PKP4: variants seen among roughly 807,000 people sequenced by gnomAD.
PKP4 encodes plakophilin 4, also known as plakophilin-4.
A neutral mutation model predicts 145.1 loss-of-function variants in PKP4; 90 were observed. The observed-to-expected ratio is 0.62, with a 90% CI of 0.52 to 0.74. The LOEUF (loss-of-function observed/expected upper bound fraction) is 0.74. PKP4 is among the 30% of genes least tolerant of loss of function. The probability of loss-of-function intolerance (pLI) is 0.00; values close to 1 mark genes in which losing one functional copy is unlikely to be tolerated. For synonymous variants in PKP4, 563 were observed against 577.2 expected, an observed-to-expected ratio of 0.98 and a Z score of 0.35; for missense variants, 1,340 against 1,482.7, an observed-to-expected ratio of 0.90 and a Z score of 1.58.
At chr2:158,564,613 C>T (rs1053455207) in intron 2 of PKP4, among the ~76,000 whole-genome samples, 7 of 152,138 alleles carry the variant, frequency 4.6e-5, no homozygotes, top group African/African-American at 1.2e-4. Context: ...ATGAACAGTA[C>T]GTGTAAGTGC....
intron 1 of PKP4, among the ~76,000 whole-genome samples, chr2:158,516,024 G>A (rs925106274): frequency 6.8e-6 from 1 of 146,480 alleles, no homozygotes; most frequent in African/African-American, 2.5e-5. Context: ...CAGCCTGGGT[G>A]ACAGAGTGAG....
intron 1 of PKP4, among the ~76,000 whole-genome samples, chr2:158,463,412 GA>G (rs137946075): frequency 0.25 from 28,492 of 113,212 alleles, 3,353 homozygotes; most frequent in Middle Eastern, 0.42. Context: ...GATCACAGTT[GA>G]AAAAAAAAAA....
At chr2:158,627,315 G>A (rs1183507735) in intron 7 of PKP4, among the ~76,000 whole-genome samples, 2 of 152,114 alleles carry the variant, frequency 1.3e-5, no homozygotes, top group African/African-American at 4.8e-5. Flanking sequence ...TTGTAAGAGA[G>A]TAGAGAGGAG....
intron 2 of PKP4, among the ~76,000 whole-genome samples, chr2:158,534,017 T>TC (rs1457955255): frequency 6.6e-6 from 1 of 152,194 alleles, no homozygotes; most frequent in Non-Finnish European, 1.5e-5. Context: ...TTTTTTTGTT[T>TC]TTTTTTCCCT....
At chr2:158,627,341 C>G (rs184577777) in intron 7 of PKP4, among the ~76,000 whole-genome samples, 1 of 152,182 alleles carries the variant, frequency 6.6e-6, no homozygotes, top group East Asian at 1.9e-4. Flanking sequence ...AGGAAGGAAG[C>G]CAGCATATAA....
At chr2:158,677,069 A>T in intron 20 of PKP4, 1 of 598,026 alleles carries the variant, frequency 1.7e-6, no homozygotes. Context: ...ACTTGTTTGT[A>T]TGTATGTATG....
chr2:158,473,528 G>A (rs1691942714), intron 1 of PKP4, among the ~76,000 whole-genome samples: 1 of 152,250 alleles, frequency 6.6e-6, no homozygotes, highest in African/African-American at 2.4e-5. Context: ...GGAGCTGGAG[G>A]CTATTATCCT....
chr2:158,551,398 T>C (rs1195748568), intron 2 of PKP4, among the ~76,000 whole-genome samples: 2 of 152,302 alleles, frequency 1.3e-5, no homozygotes, highest in East Asian at 3.9e-4. Flanking sequence ...ATTCCCAAGG[T>C]AATTGATCAT....
intron 9 of PKP4, among the ~76,000 whole-genome samples, chr2:158,639,360 G>A (rs567893843): frequency 1.1e-4 from 16 of 152,188 alleles, no homozygotes; most frequent in South Asian, 8.3e-4. Flanking sequence ...GTGTGTTTGC[G>A]TGTGTGCACA....
chr2:158,488,964 A>G (rs1351936318), intron 1 of PKP4, among the ~76,000 whole-genome samples: 1 of 152,200 alleles, frequency 6.6e-6, no homozygotes, highest in Non-Finnish European at 1.5e-5. Flanking sequence ...TGCATCAACT[A>G]TTTTAACAAC....
At chr2:158,659,838 TG>T (rs60132278) in intron 12 of PKP4, 11,186 of 152,406 alleles carry the variant, frequency 0.073, 997 homozygotes, top group African/African-American at 0.21. Flanking sequence ...CCAAGTGCCA[TG>T]GGAAACCATC....
At chr2:158,595,845 A>G (rs1242256455) in intron 3 of PKP4, among the ~76,000 whole-genome samples, 5 of 152,176 alleles carry the variant, frequency 3.3e-5, no homozygotes, top group Non-Finnish European at 7.3e-5. Flanking sequence ...GGAAAAAAAA[A>G]TCCCAGATGC....
intron 1 of PKP4, among the ~76,000 whole-genome samples, chr2:158,495,601 C>T (rs1695581620): frequency 6.6e-6 from 1 of 151,704 alleles, no homozygotes. Flanking sequence ...TTTGGGAGGC[C>T]AAGGAGGTCC....
rs540352726 is a variant in PKP4 at position 158,515,937 on chromosome 2, TAGAG to T, written c.-5-17240_-5-17237del. Among the ~76,000 whole-genome samples, 48 of 152,168 alleles carry T rather than the reference TAGAG, an allele frequency of 3.2e-4. No homozygotes were observed. In the South Asian group the frequency reaches 6.0e-3, roughly 19 times the overall value. On this transcript the variant is annotated intron_variant, in intron 1 of 21. Coordinates refer to ENST00000389759, the MANE Select transcript of PKP4 (RefSeq NM_003628.6). ...AGTGTGTGCCTATAGTCCTACCTAT[TAGAG>T]AGGCTGAGGTGGCAGGATCGTGTGA...
chr2:158,462,783 A>G (rs568574701), intron 1 of PKP4, among the ~76,000 whole-genome samples: 31 of 152,270 alleles, frequency 2.0e-4, no homozygotes, highest in African/African-American at 7.5e-4. Flanking sequence ...CAGATTGTAT[A>G]ATCTCTGTGG....
chr2:158,616,148 A>G (rs988014138), intron 4 of PKP4, among the ~76,000 whole-genome samples: 8 of 152,218 alleles, frequency 5.3e-5, no homozygotes, highest in Admixed American at 4.6e-4. Context: ...AAGGAATACT[A>G]TTGGTGCTTC....
intron 4 of PKP4, 135 bp from the exon 5 acceptor site, chr2:158,620,855 G>T (rs2052160852): frequency 1.5e-6 from 1 of 668,654 alleles, no homozygotes; most frequent in South Asian, 1.9e-5. Flanking sequence ...AGTCAGATGT[G>T]CTGTGTAAGC....
chr2:158,568,154 T>C (rs761255042), intron 2 of PKP4, among the ~76,000 whole-genome samples: 1 of 152,182 alleles, frequency 6.6e-6, no homozygotes, highest in South Asian at 2.1e-4. Flanking sequence ...GCCAACATGG[T>C]GAAACCCCTT....
intron 2 of PKP4, among the ~76,000 whole-genome samples, chr2:158,551,639 A>C (rs1233848039): frequency 6.6e-6 from 1 of 152,224 alleles, no homozygotes; most frequent in Non-Finnish European, 1.5e-5. Flanking sequence ...TTTTTACTTT[A>C]TGCAGAAGTA....
Sources: allele counts gnomAD v4.1 joint callset (sites outside exome capture counted in the v4.1 genomes callset), GRCh38; gene constraint gnomAD v4.1.1; transcripts MANE v1.5; gene names NCBI Gene and HGNC (gene_info 2026-07-23, HGNC 2026-07-21).